ERC2: variants seen among roughly 807,000 people sequenced by gnomAD.
ERC2 encodes the protein ERC protein 2.
A neutral mutation model predicts 114.8 loss-of-function variants in ERC2; 42 were observed. The observed-to-expected ratio is 0.37, with a 90% CI of 0.29 to 0.47. The LOEUF (loss-of-function observed/expected upper bound fraction) is 0.47. ERC2 is among the 20% of genes least tolerant of loss of function. ERC2 has a pLI of 0.99. For missense variants in ERC2, 939 were observed against 1,150.7 expected (o/e 0.82, Z 2.66); for synonymous variants, 454 against 425.5 (o/e 1.07, Z -0.82).
At chr3:55,847,985 T>C (rs1383762418) in intron 14 of ERC2, among the ~76,000 whole-genome samples, 1 of 152,070 alleles carries the variant, frequency 6.6e-6, no homozygotes, top group Non-Finnish European at 1.5e-5. Context: ...TTTGTAGAGA[T>C]AGGGTCTCGC....
At chr3:55,861,673 C>G (rs2062033434) in intron 14 of ERC2, among the ~76,000 whole-genome samples, 1 of 152,038 alleles carries the variant, frequency 6.6e-6, no homozygotes, top group African/African-American at 2.4e-5. Context: ...TAGCAAATTA[C>G]TAGGCAAATC....
At chr3:56,377,639 T>C (rs915598390) in intron 2 of ERC2, among the ~76,000 whole-genome samples, 6 of 152,118 alleles carry the variant, frequency 3.9e-5, no homozygotes, top group Non-Finnish European at 8.8e-5. Context: ...CCAAAAAAGA[T>C]AACAAATGGG....
chr3:56,196,129 TG>T (rs745687431), intron 3 of ERC2, among the ~76,000 whole-genome samples: 2 of 152,056 alleles, frequency 1.3e-5, no homozygotes, highest in East Asian at 1.9e-4. Flanking sequence ...TGCTCCTAGG[TG>T]GGCTGCATCC....
At chr3:56,236,376 C>T (rs2050947878) in intron 3 of ERC2, among the ~76,000 whole-genome samples, 1 of 152,056 alleles carries the variant, frequency 6.6e-6, no homozygotes, top group Non-Finnish European at 1.5e-5. Context: ...GATCCTGAGA[C>T]CATCCAGGCC....
chr3:56,005,304 C>T (rs576377026), intron 10 of ERC2, among the ~76,000 whole-genome samples: 17 of 152,054 alleles, frequency 1.1e-4, no homozygotes, highest in African/African-American at 4.1e-4. Context: ...AAAATGCTGT[C>T]AGGAATAATG....
intron 3 of ERC2, among the ~76,000 whole-genome samples, chr3:56,287,053 C>A (rs139539165): frequency 2.0e-5 from 3 of 152,324 alleles, no homozygotes; most frequent in Admixed American, 6.5e-5. Flanking sequence ...ACTTAAGAGA[C>A]CCCTCAACCT....
At chr3:55,997,929 GT>G (rs112402531) in intron 10 of ERC2, among the ~76,000 whole-genome samples, 14,105 of 57,546 alleles carry the variant, frequency 0.25, 1,995 homozygotes, top group South Asian at 0.37. Context: ...TGTGTTTTTT[GT>G]TTTTTTTTTT....
Position 56,080,797 on chromosome 3 carries a change from G to T in ERC2, c.1641+20C>A. 4.3e-6 allele frequency: 7 copies of T among 1,610,536 alleles called. No individual in the cohort carries two copies. The highest frequency in any genetic ancestry group is 5.9e-6 in the Non-Finnish European group (7 of 1,178,626). On this transcript the variant is annotated intron_variant, in intron 7 of 17. Coordinates refer to ENST00000288221, the MANE Select transcript of ERC2 (RefSeq NM_015576.3). ...AACATGGATGATACCCCACTTGAAG[G>T]TCTTATGTCAGCTACTCACCTTTTT...
chr3:55,625,784 T>G (rs1421775367), intron 17 of ERC2, among the ~76,000 whole-genome samples: 2 of 152,102 alleles, frequency 1.3e-5, no homozygotes, highest in African/African-American at 4.8e-5. Context: ...GGAAAAAAGA[T>G]GACACATTGT....
chr3:55,707,057 TC>T (rs768734325), intron 15 of ERC2, among the ~76,000 whole-genome samples: 13 of 152,218 alleles, frequency 8.5e-5, no homozygotes, highest in Non-Finnish European at 1.8e-4. Context: ...CAGATGCTGA[TC>T]TACTGCTCCT....
At chr3:55,720,964 C>A (rs545324786) in intron 15 of ERC2, among the ~76,000 whole-genome samples, 1 of 152,310 alleles carries the variant, frequency 6.6e-6, no homozygotes, top group Non-Finnish European at 1.5e-5. Context: ...AGGTAGGAAA[C>A]AATGTACCCA....
intron 3 of ERC2, among the ~76,000 whole-genome samples, chr3:56,260,851 C>A (rs1406519040): frequency 6.6e-6 from 1 of 152,216 alleles, no homozygotes; most frequent in Non-Finnish European, 1.5e-5. Context: ...TATGTCCCAG[C>A]ATGACCCACA....
At chr3:55,890,585 C>T (rs900126875) in intron 13 of ERC2, among the ~76,000 whole-genome samples, 7 of 152,166 alleles carry the variant, frequency 4.6e-5, no homozygotes, top group African/African-American at 7.2e-5. Flanking sequence ...CTACATTAAC[C>T]CAACTTTAAA....
chr3:55,707,983 T>A (rs901308895), intron 15 of ERC2, among the ~76,000 whole-genome samples: 1 of 152,198 alleles, frequency 6.6e-6, no homozygotes, highest in Admixed American at 6.5e-5. Context: ...GCCTCCTTTG[T>A]AACCAGTGCA....
chr3:56,465,233 T>C (rs2063490150), intron 1 of ERC2, among the ~76,000 whole-genome samples: 1 of 152,062 alleles, frequency 6.6e-6, no homozygotes, highest in Admixed American at 6.6e-5. Flanking sequence ...ACCCAGTCTG[T>C]ACTAAAAATA....
chr3:55,749,660 T>C (rs946191746), intron 14 of ERC2, among the ~76,000 whole-genome samples: 5 of 152,052 alleles, frequency 3.3e-5, no homozygotes, highest in African/African-American at 9.7e-5. Flanking sequence ...GCAGGGAGGA[T>C]TGAAAAACGG....
intron 2 of ERC2, among the ~76,000 whole-genome samples, chr3:56,364,364 T>A (rs1349641385): frequency 6.6e-6 from 1 of 152,214 alleles, no homozygotes; most frequent in Non-Finnish European, 1.5e-5. Flanking sequence ...TACCATTAGA[T>A]TGCACACTTA....
chr3:55,959,622 G>C (rs1250017645), intron 12 of ERC2, among the ~76,000 whole-genome samples: 1 of 152,096 alleles, frequency 6.6e-6, no homozygotes, highest in South Asian at 2.1e-4. Context: ...CAGATGTCAG[G>C]GCCACGTGAT....
chr3:56,394,472 C>A (rs1004697537), intron 2 of ERC2, among the ~76,000 whole-genome samples: 1 of 152,000 alleles, frequency 6.6e-6, no homozygotes, highest in Non-Finnish European at 1.5e-5. Context: ...CTATAAAAAT[C>A]AATATAATCT....
Sources: gnomAD v4.1 joint callset for allele counts (sites outside exome capture counted in the v4.1 genomes callset) on GRCh38, gnomAD v4.1.1 for gene constraint, MANE v1.5 for transcripts, NCBI Gene and HGNC (gene_info 2026-07-23, HGNC 2026-07-21) for gene names.